NDUFAF6: variants seen among roughly 807,000 people sequenced by gnomAD.
The protein encoded by NDUFAF6 is NADH dehydrogenase (ubiquinone) complex I, assembly factor 6.
A neutral mutation model predicts 40.8 loss-of-function variants in NDUFAF6; 45 were observed. The observed-to-expected ratio is 1.10, with a 90% CI of 0.87 to 1.42. NDUFAF6 has a LOEUF of 1.42. NDUFAF6 is among the 40% of genes most tolerant of loss of function. NDUFAF6 has a pLI of 0.00. For missense variants in NDUFAF6, 435 were observed against 418.5 expected (o/e 1.04, Z -0.34); for synonymous variants, 185 against 155.9 (o/e 1.19, Z -1.39).
At chr8:94,922,973 T>C (rs1819607651) in intron 1 of NDUFAF6, among the ~76,000 whole-genome samples, 2 of 151,690 alleles carry the variant, frequency 1.3e-5, no homozygotes, top group Non-Finnish European at 2.9e-5. Flanking sequence ...ACAAGAGTCA[T>C]TTTTTTTTCC....
chr8:95,015,595 CTTCT>C (rs1159059990), intron 2 of NDUFAF6, among the ~76,000 whole-genome samples: 1 of 152,250 alleles, frequency 6.6e-6, no homozygotes, highest in East Asian at 1.9e-4. Flanking sequence ...ATGGTTCTTC[CTTCT>C]AAGAACTTTG....
chr8:95,038,959 G>A (rs140512955), intron 3 of NDUFAF6, among the ~76,000 whole-genome samples: 4,716 of 149,570 alleles, frequency 0.032, 89 homozygotes, highest in Non-Finnish European at 0.046. Flanking sequence ...GTCAGCTACC[G>A]CACCTGGCCT....
At chr8:94,976,640 C>CAAGA (rs1232585886) in intron 1 of NDUFAF6, among the ~76,000 whole-genome samples, 1 of 151,040 alleles carries the variant, frequency 6.6e-6, no homozygotes, top group East Asian at 2.0e-4. Flanking sequence ...CACCACTGCA[C>CAAGA]TCCAACTTGG....
At chr8:95,092,811 C>A (rs1165564909) in intron 2 of NDUFAF6, among the ~76,000 whole-genome samples, 1 of 152,144 alleles carries the variant, frequency 6.6e-6, no homozygotes. Context: ...ATCTTGATCT[C>A]CTGACCTCAT....
At chr8:94,929,504 ACT>A (rs1423308866) in intron 1 of NDUFAF6, 3 of 151,598 alleles carry the variant, frequency 2.0e-5, no homozygotes, top group Admixed American at 6.6e-5. Flanking sequence ...CAGTCCCCAC[ACT>A]CTTGCCACTT....
intron 1 of NDUFAF6, among the ~76,000 whole-genome samples, chr8:94,909,711 G>A (rs944182118): frequency 5.9e-5 from 9 of 151,586 alleles, no homozygotes; most frequent in South Asian, 2.1e-4. Context: ...GGGTCACTTC[G>A]CCCAGGAGTT....
At chr8:94,900,632 A>G (rs890306944) in intron 1 of NDUFAF6, among the ~76,000 whole-genome samples, 17 of 152,300 alleles carry the variant, frequency 1.1e-4, no homozygotes, top group Middle Eastern at 3.4e-3. Context: ...AGGTTGGAGT[A>G]GGCGGGAGGG....
chr8:94,904,508 C>T (rs1818265384), intron 1 of NDUFAF6, among the ~76,000 whole-genome samples: 1 of 151,612 alleles, frequency 6.6e-6, no homozygotes, highest in Non-Finnish European at 1.5e-5. Context: ...TGTTCTGTTC[C>T]ATTGTTTTTC....
intron 1 of NDUFAF6, among the ~76,000 whole-genome samples, chr8:94,903,575 A>G (rs1281941607): frequency 3.9e-5 from 6 of 152,214 alleles, no homozygotes; most frequent in African/African-American, 1.4e-4. Context: ...ATAGCATAAA[A>G]GCGTGCTTCA....
At chr8:95,110,788 C>G (rs1372835810) in intron 4 of NDUFAF6, among the ~76,000 whole-genome samples, 1 of 152,214 alleles carries the variant, frequency 6.6e-6, no homozygotes, top group East Asian at 1.9e-4. Flanking sequence ...TTTGCCTCCC[C>G]TCTTTATTTT....
intron 1 of NDUFAF6, among the ~76,000 whole-genome samples, chr8:94,937,381 C>T (rs550094229): frequency 1.2e-3 from 187 of 150,966 alleles, no homozygotes; most frequent in East Asian, 1.4e-3. Flanking sequence ...GCAGAGGTTG[C>T]GCTGAGCCAA....
At chr8:95,002,218 C>G (rs1246957526) in intron 2 of NDUFAF6, among the ~76,000 whole-genome samples, 1 of 152,130 alleles carries the variant, frequency 6.6e-6, no homozygotes, top group Non-Finnish European at 1.5e-5. Context: ...ATAAAAATAT[C>G]TTTTGCTGTC....
chr8:95,018,280 T>C (rs747293713), intron 2 of NDUFAF6, among the ~76,000 whole-genome samples: 275 of 151,746 alleles, frequency 1.8e-3, no homozygotes, highest in Non-Finnish European at 3.4e-3. Context: ...CAAGCAATCC[T>C]CCTGCCTTGG....
chr8:94,922,334 C>T (rs1819560588), intron 1 of NDUFAF6, among the ~76,000 whole-genome samples: 1 of 151,846 alleles, frequency 6.6e-6, no homozygotes, highest in African/African-American at 2.4e-5. Flanking sequence ...ATAAGCGCTG[C>T]AGGAAATTGT....
intron 2 of NDUFAF6, among the ~76,000 whole-genome samples, chr8:95,034,953 C>T (rs964438035): frequency 1.3e-5 from 2 of 151,652 alleles, no homozygotes; most frequent in Non-Finnish European, 2.9e-5. Flanking sequence ...GATCTTGGCT[C>T]ACTGCAACCT....
chr8:94,911,894 T>C (rs1381427344), intron 1 of NDUFAF6, among the ~76,000 whole-genome samples: 1 of 152,214 alleles, frequency 6.6e-6, no homozygotes, highest in Non-Finnish European at 1.5e-5. Context: ...ATACTGATAC[T>C]CAAACACAAT....
intron 2 of NDUFAF6, among the ~76,000 whole-genome samples, chr8:95,010,495 T>C (rs1438406232): frequency 6.6e-6 from 1 of 152,204 alleles, no homozygotes; most frequent in Non-Finnish European, 1.5e-5. Context: ...TGGAATCTAT[T>C]GTTCACAAAA....
chr8:94,981,021 C>T (rs1042941229), intron 2 of NDUFAF6: 24 of 455,560 alleles, frequency 5.3e-5, no homozygotes, highest in Non-Finnish European at 9.3e-5. Context: ...CACAAAGAGG[C>T]TCTTTCCCCC....
At chr8:94,985,182 C>A (rs953676802) in intron 2 of NDUFAF6, among the ~76,000 whole-genome samples, 1 of 151,736 alleles carries the variant, frequency 6.6e-6, no homozygotes, top group Non-Finnish European at 1.5e-5. Context: ...CTTCTTTTTG[C>A]CTCTGAACAT....
Sources: gnomAD v4.1 joint callset for allele counts (sites outside exome capture counted in the v4.1 genomes callset) on GRCh38, gnomAD v4.1.1 for gene constraint, MANE v1.5 for transcripts, NCBI Gene and HGNC (gene_info 2026-07-23, HGNC 2026-07-21) for gene names.